The following CARD8 variants were observed in gnomAD, a reference collection of about 807,000 sequenced individuals.
CARD8 encodes the protein caspase recruitment domain family member 8, also known as caspase recruitment domain-containing protein 8.
In CARD8, 38 loss-of-function variants were observed where a neutral mutation model predicts 53.2. The observed-to-expected ratio is 0.71, with a 90% confidence interval of 0.55 to 0.94. The LOEUF is 0.94. CARD8 is among the 40% of genes least tolerant of loss of function. The pLI is 0.00. For missense variants in CARD8, 561 were observed against 655.5 expected, an observed-to-expected ratio of 0.86 and a Z score of 1.57; for synonymous variants, 245 against 244.9, an observed-to-expected ratio of 1.00 and a Z score of 0.00.
intron 10 of CARD8, among the ~76,000 whole-genome samples, chr19:48,229,478 T>C (rs1456518769): frequency 1.3e-5 from 2 of 152,250 alleles, no homozygotes; most frequent in Non-Finnish European, 2.9e-5. Context: ...TTTTCTCCTG[T>C]ATTTAAGTAC....
downstream of CARD8, chr19:48,204,271 G>A (rs955048987): frequency 1.8e-5 from 8 of 442,908 alleles, no homozygotes; most frequent in Admixed American, 7.2e-5. Flanking sequence ...GGGGATTAGA[G>A]ACCTCGCGGG....
intron 7 of CARD8, among the ~76,000 whole-genome samples, 172 bp downstream of exon 7, chr19:48,232,281 G>A (rs2043047362): frequency 6.6e-6 from 1 of 152,184 alleles, no homozygotes; most frequent in Non-Finnish European, 1.5e-5. Flanking sequence ...CCATGCCCCA[G>A]CAGTGACAGG....
rs1271727711 is a variant in CARD8 at position 48,240,991 on chromosome 19, A to T, written c.30T>A (p.Ser10Arg). MEKKECPEK[S>R]SSSEEELPRR... is the part of the protein sequence containing the mutation. ...TCGGCAGCTCTTCCTCACTGCTGCTACTCTTTTCTGGACACTCCTTTTTTT... is the reference window on the plus strand; with the variant it reads ...TCGGCAGCTCTTCCTCACTGCTGCTTCTCTTTTCTGGACACTCCTTTTTTT... Residue 10 changes from serine (S) to arginine (R), a missense_variant, in exon 4 of 14, where the codon AGT becomes AGA. By Grantham distance (110) the Ser-to-Arg change is moderately radical (BLOSUM62 -1). Transcript: ENST00000651546. The T allele has an allele frequency of 6.5e-7, 1 of 1,535,696 alleles. No individual in the cohort carries two copies. The highest frequency in any genetic ancestry group is 1.4e-5 in the African/African-American group (1 of 72,902).
chr19:48,231,609 C>A, intron 8 of CARD8, 51 bp downstream of exon 8: 1 of 1,535,614 alleles, frequency 6.5e-7, no homozygotes, highest in South Asian at 1.3e-5. Context: ...GGCCTACACA[C>A]TTCCTTTATA....
Position 48,225,896 on chromosome 19 carries a change from T to C in CARD8, c.1036-4041A>G, listed in dbSNP as rs943197934. On this transcript the variant is annotated intron_variant, in intron 10 of 13. Transcript: ENST00000651546. ...GGTGAAACCGTGTCTCTACTAAAAA[T>C]ACGAAAATTAGCCGGGCATGGTGGC... is the stretch of plus-strand genomic sequence containing the variant. 4.0e-5 allele frequency among the ~76,000 whole-genome samples: 6 copies of C among 151,862 alleles called. 1 individual carries two copies. Among genetic ancestry groups the C allele is most frequent in the Admixed American group, 3.9e-4 (6 of 15,248 alleles).
chr19:48,217,692 A>T (rs1319328056), intron 12 of CARD8, among the ~76,000 whole-genome samples: 1 of 152,216 alleles, frequency 6.6e-6, no homozygotes, highest in East Asian at 1.9e-4. Flanking sequence ...AGGATCTGCT[A>T]CTATTGAAGA....
chr19:48,255,333 T>G (rs1600810627), intron 1 of CARD8, among the ~76,000 whole-genome samples: 1 of 152,064 alleles, frequency 6.6e-6, no homozygotes, highest in African/African-American at 2.4e-5. Context: ...GCCACTGTAC[T>G]CCAGCCTAGC....
At chr19:48,227,691 TA>T (rs1438953788) in intron 10 of CARD8, among the ~76,000 whole-genome samples, 2 of 151,084 alleles carry the variant, frequency 1.3e-5, no homozygotes, top group African/African-American at 4.9e-5. Context: ...TAATCCCAAC[TA>T]CTCAGGAGAC....
chr19:48,206,783 T>C (rs540809205), downstream of CARD8, among the ~76,000 whole-genome samples: 4 of 152,324 alleles, frequency 2.6e-5, no homozygotes, highest in East Asian at 7.7e-4. Context: ...TGTTTGTGCA[T>C]TTTGTTCAAT....
intron 10 of CARD8, among the ~76,000 whole-genome samples, chr19:48,223,196 C>T (rs1051387738): frequency 5.3e-5 from 8 of 151,452 alleles, no homozygotes; most frequent in East Asian, 1.9e-4. Context: ...ACCAGCTACT[C>T]GGGAGGCTGA....
At chr19:48,231,292 G>T (rs1568800338) in intron 8 of CARD8, among the ~76,000 whole-genome samples, 1 of 151,994 alleles carries the variant, frequency 6.6e-6, no homozygotes, top group Non-Finnish European at 1.5e-5. Flanking sequence ...GCTTCCTTTT[G>T]TATTTATATT....
chr19:48,241,555 G>A (rs372928298), intron 3 of CARD8, among the ~76,000 whole-genome samples: 185 of 152,194 alleles, frequency 1.2e-3, no homozygotes, highest in African/African-American at 4.3e-3. Flanking sequence ...GTGCCCTGCC[G>A]GATTTTTCAA....
chr19:48,240,999 C>G lies in CARD8; in HGVS notation c.22G>C (p.Glu8Gln). 6.5e-7 allele frequency: 1 copy of G among 1,536,098 alleles called. No individual in the cohort carries two copies. Among genetic ancestry groups the G allele is most frequent in the Non-Finnish European group, 8.7e-7 (1 of 1,146,810 alleles). MEKKECPEKSSSSEEELP... is the reference protein window; with the variant it reads MEKKECPQKSSSSEEELP... Reference sequence around the variant, plus strand: ...TCTTCCTCACTGCTGCTACTCTTTTCTGGACACTCCTTTTTTTCCATTTGT... The same window carrying G: ...TCTTCCTCACTGCTGCTACTCTTTTGTGGACACTCCTTTTTTTCCATTTGT... The change falls in exon 4 of 14, where the codon GAA becomes CAA. Residue 8 changes from glutamate to glutamine, a missense_variant. Coordinates refer to ENST00000651546, the MANE Select transcript of CARD8 (RefSeq NM_001184900.3).
chr19:48,242,837 A>G (rs1464045018), intron 3 of CARD8, among the ~76,000 whole-genome samples: 6 of 152,100 alleles, frequency 3.9e-5, no homozygotes, highest in African/African-American at 1.4e-4. Flanking sequence ...CACATATACC[A>G]AAGCGCCAAT....
downstream of CARD8, among the ~76,000 whole-genome samples, chr19:48,207,734 G>GTTTTTTTTTTTTTTGTTT (rs1599964939): frequency 4.3e-5 from 5 of 116,550 alleles, 1 homozygote; most frequent in African/African-American, 1.5e-4. Flanking sequence ...TTGTTTTTCT[G>GTTTTTTTTTTTTTTGTTT]TTTTTTTTTT....
At chr19:48,241,188 G>C in intron 3 of CARD8, 125 bp from the exon 4 acceptor site, 1 of 611,956 alleles carries the variant, frequency 1.6e-6, no homozygotes, top group Non-Finnish European at 2.9e-6. Flanking sequence ...TGCATCAGTG[G>C]AATTGCTCCT....
At chr19:48,230,280 G>A (rs1295613864) in intron 10 of CARD8, among the ~76,000 whole-genome samples, 158 bp downstream of exon 10, 1 of 152,210 alleles carries the variant, frequency 6.6e-6, no homozygotes, top group Non-Finnish European at 1.5e-5. Flanking sequence ...TAGCTCCAGA[G>A]TCAGCACCTT....
intron 4 of CARD8, among the ~76,000 whole-genome samples, chr19:48,240,099 T>G (rs1259396143): frequency 6.6e-6 from 1 of 152,222 alleles, no homozygotes; most frequent in African/African-American, 2.4e-5. Flanking sequence ...ACACAAACAT[T>G]CATTCTGCAG....
At chr19:48,205,986 C>T (rs1388064360), downstream of CARD8, among the ~76,000 whole-genome samples, 2 of 152,110 alleles carry the variant, frequency 1.3e-5, no homozygotes, top group Admixed American at 6.6e-5. Context: ...CAACCTCCAC[C>T]TTCTGAGTTC....
Sources: gnomAD v4.1 joint callset for allele counts (sites outside exome capture counted in the v4.1 genomes callset) on GRCh38, gnomAD v4.1.1 for gene constraint, MANE v1.5 for transcripts, NCBI Gene and HGNC (gene_info 2026-07-23, HGNC 2026-07-21) for gene names.